PRICKLE2: variants seen among roughly 807,000 people sequenced by gnomAD.
PRICKLE2 encodes the protein prickle planar cell polarity protein 2.
A neutral mutation model predicts 81.4 loss-of-function variants in PRICKLE2; 21 were observed. That is an observed-to-expected ratio of 0.26 (90% CI 0.18 to 0.37). PRICKLE2 has a LOEUF of 0.37. Ranked by LOEUF, PRICKLE2 falls within the 10% of genes least tolerant of loss-of-function variation. The probability of loss-of-function intolerance (pLI) is 1.00; values close to 1 mark genes in which losing one functional copy is unlikely to be tolerated. For missense variants in PRICKLE2, 940 were observed against 1,109.0 expected (o/e 0.85, Z 2.16); for synonymous variants, 456 against 421.5 (o/e 1.08, Z -1.00).
upstream of PRICKLE2, among the ~76,000 whole-genome samples, chr3:64,229,854 G>A (rs1203734267): frequency 6.6e-6 from 1 of 152,218 alleles, no homozygotes; most frequent in South Asian, 2.1e-4. Flanking sequence ...ACAAAGAACT[G>A]TCATGTAAGT....
intron 2 of PRICKLE2, among the ~76,000 whole-genome samples, chr3:64,197,099 G>T (rs529692738): frequency 7.7e-4 from 118 of 152,262 alleles, no homozygotes; most frequent in Admixed American, 2.1e-3. Context: ...CTACTCTTAA[G>T]TTATGAGTGA....
At chr3:64,126,886 G>A (rs915912986) in intron 7 of PRICKLE2, among the ~76,000 whole-genome samples, 1 of 152,070 alleles carries the variant, frequency 6.6e-6, no homozygotes, top group South Asian at 2.1e-4. Context: ...TTGTGGGCAG[G>A]TTTCTTAACC....
At chr3:64,105,665 T>A (rs189659236) in intron 7 of PRICKLE2, 5 of 152,252 alleles carry the variant, frequency 3.3e-5, no homozygotes, top group African/African-American at 1.2e-4. Flanking sequence ...CTCCCTGCAC[T>A]GCAGAAATGT....
rs186544004 is a variant in PRICKLE2, at chr3:64,253,431, C to T, written c.129-54464G>A. Among the ~76,000 whole-genome samples the T allele has an allele frequency of 2.0e-5, 3 of 152,284 alleles. No individual in the cohort carries two copies. In the East Asian group the frequency reaches 5.8e-4, roughly 29 times the overall value. On this transcript the variant is annotated intron_variant, in intron 2 of 8. Transcript: ENST00000295902. ...CTCTGCCGGTCACCCTACCCACTTCCCCAGTTACTCTCTCATGAACCCTCA... is the reference window on the plus strand; with the variant it reads ...CTCTGCCGGTCACCCTACCCACTTCTCCAGTTACTCTCTCATGAACCCTCA...
chr3:64,122,359 G>A (rs890852942), intron 7 of PRICKLE2, among the ~76,000 whole-genome samples: 1 of 152,110 alleles, frequency 6.6e-6, no homozygotes, highest in African/African-American at 2.4e-5. Flanking sequence ...CTCACTTCAG[G>A]GTGTTGTCTG....
At chr3:64,181,738 A>C (rs2078138543) in intron 2 of PRICKLE2, among the ~76,000 whole-genome samples, 3 of 152,222 alleles carry the variant, frequency 2.0e-5, no homozygotes, top group Admixed American at 2.0e-4. Context: ...AACAGACATA[A>C]AATGATCTTA....
At chr3:64,261,070 G>A (rs1034595057) in intron 2 of PRICKLE2, among the ~76,000 whole-genome samples, 1 of 152,154 alleles carries the variant, frequency 6.6e-6, no homozygotes, top group African/African-American at 2.4e-5. Context: ...CACTTGTACA[G>A]AGTGCTGAAA....
chr3:64,126,352 C>A (rs1288207730), intron 7 of PRICKLE2, among the ~76,000 whole-genome samples: 14 of 152,194 alleles, frequency 9.2e-5, no homozygotes, highest in Non-Finnish European at 1.5e-4. Context: ...GAAGTCATGG[C>A]AGGTATGAGA....
At chr3:64,125,733 GGAAAC>G (rs1262853628) in intron 7 of PRICKLE2, among the ~76,000 whole-genome samples, 2 of 152,138 alleles carry the variant, frequency 1.3e-5, no homozygotes, top group African/African-American at 4.8e-5. Flanking sequence ...ATATGCATTG[GGAAAC>G]CAAAAAATTT....
At chr3:64,250,500 T>TC (rs1279310756) in intron 2 of PRICKLE2, among the ~76,000 whole-genome samples, 1 of 151,990 alleles carries the variant, frequency 6.6e-6, no homozygotes, top group Non-Finnish European at 1.5e-5. Flanking sequence ...AACCAGAGCA[T>TC]CCCACACTCT....
intron 1 of PRICKLE2, among the ~76,000 whole-genome samples, chr3:64,214,367 G>A (rs1380138398): frequency 6.6e-6 from 1 of 152,190 alleles, no homozygotes; most frequent in African/African-American, 2.4e-5. Flanking sequence ...TGGATGTAAA[G>A]CCCCTCAATT....
At chr3:64,190,333 A>G (rs1265209395) in intron 2 of PRICKLE2, 1 of 152,124 alleles carries the variant, frequency 6.6e-6, no homozygotes, top group African/African-American at 2.4e-5. Flanking sequence ...GCACCCAGGA[A>G]AATATCTGAC....
At chr3:64,165,316 A>G (rs1384902292) in intron 2 of PRICKLE2, among the ~76,000 whole-genome samples, 1 of 152,150 alleles carries the variant, frequency 6.6e-6, no homozygotes, top group African/African-American at 2.4e-5. Context: ...CATGGCCAGT[A>G]GATCTGGACC....
chr3:64,135,710 A>ACACACACACG (rs2077267503), intron 7 of PRICKLE2, among the ~76,000 whole-genome samples: 2 of 151,616 alleles, frequency 1.3e-5, no homozygotes, highest in Non-Finnish European at 1.5e-5. Flanking sequence ...ACACACACAC[A>ACACACACACG]CACACACACA....
intron 1 of PRICKLE2, among the ~76,000 whole-genome samples, chr3:64,213,149 T>G (rs924653094): frequency 6.6e-6 from 1 of 151,196 alleles, no homozygotes; most frequent in Non-Finnish European, 1.5e-5. Flanking sequence ...CAATCTCGGC[T>G]CACTGCAACC....
intron 6 of PRICKLE2, among the ~76,000 whole-genome samples, chr3:64,148,979 G>C (rs1425282889): frequency 6.6e-6 from 1 of 152,162 alleles, no homozygotes; most frequent in Non-Finnish European, 1.5e-5. Context: ...ATCTGCTTTC[G>C]GTAAAGAAAA....
intron 7 of PRICKLE2, among the ~76,000 whole-genome samples, chr3:64,144,989 T>A (rs1163386174): frequency 6.6e-6 from 1 of 152,204 alleles, no homozygotes; most frequent in Non-Finnish European, 1.5e-5. Context: ...ATCCTCAGAT[T>A]CTGCTTTAAG....
chr3:64,256,668 T>C (rs939280271), intron 2 of PRICKLE2, among the ~76,000 whole-genome samples: 1 of 152,224 alleles, frequency 6.6e-6, no homozygotes, highest in African/African-American at 2.4e-5. Flanking sequence ...ATTATAATCC[T>C]ATAGAAAAGT....
At chr3:64,114,574 C>T (rs2076903905) in intron 7 of PRICKLE2, among the ~76,000 whole-genome samples, 1 of 151,636 alleles carries the variant, frequency 6.6e-6, no homozygotes, top group Non-Finnish European at 1.5e-5. Context: ...AATTTCACAA[C>T]ACAATCACAA....
Sources: gnomAD v4.1 joint callset for allele counts (sites outside exome capture counted in the v4.1 genomes callset) on GRCh38, gnomAD v4.1.1 for gene constraint, MANE v1.5 for transcripts, NCBI Gene and HGNC (gene_info 2026-07-23, HGNC 2026-07-21) for gene names.